The following CSMD1 variants were observed in gnomAD, a reference collection of about 807,000 sequenced individuals.
The protein encoded by CSMD1 is CUB and sushi domain-containing protein 1.
A neutral mutation model predicts 417.5 loss-of-function variants in CSMD1; 213 were observed. The ratio of observed to expected loss-of-function variants is 0.51; its 90% CI spans 0.46 to 0.57. The LOEUF (loss-of-function observed/expected upper bound fraction) is 0.57, where lower values mean the gene tolerates loss of function less well. CSMD1 is among the 20% of genes least tolerant of loss of function. The pLI is 0.00. For synonymous variants in CSMD1, 2,862 were observed against 1,736.8 expected (o/e 1.65, Z -16.11); for missense variants, 6,923 against 4,529.7 (o/e 1.53, Z -15.17).
chr8:3,518,926 C>G (rs1797390622), intron 10 of CSMD1, among the ~76,000 whole-genome samples: 2 of 152,188 alleles, frequency 1.3e-5, no homozygotes, highest in Non-Finnish European at 2.9e-5. Flanking sequence ...TGAATCTCCT[C>G]ATATTGTCCC....
At chr8:3,409,854 C>T (rs556033370) in intron 12 of CSMD1, among the ~76,000 whole-genome samples, 2 of 152,298 alleles carry the variant, frequency 1.3e-5, no homozygotes, top group South Asian at 2.1e-4. Context: ...TACACAGATA[C>T]GCTGACAACA....
chr8:4,645,009 A>G (rs1038061), intron 1 of CSMD1, among the ~76,000 whole-genome samples: 92,731 of 152,024 alleles, frequency 0.61, 28,641 homozygotes, highest in Admixed American at 0.71. Flanking sequence ...CTATAAATCT[A>G]TATTCTGGTT....
intron 50 of CSMD1, among the ~76,000 whole-genome samples, chr8:3,035,300 A>G (rs1316365512): frequency 6.6e-6 from 1 of 152,148 alleles, no homozygotes; most frequent in Non-Finnish European, 1.5e-5. Context: ...ATGTAATTGT[A>G]TATGTAATTC....
At chr8:4,898,441 G>C (rs1048797755) in intron 1 of CSMD1, among the ~76,000 whole-genome samples, 1 of 151,452 alleles carries the variant, frequency 6.6e-6, no homozygotes, top group African/African-American at 2.5e-5. Flanking sequence ...CAGAAGGACC[G>C]CATGGGTGTA....
rs185168689 is a variant in CSMD1 at position 3,042,301 on chromosome 8, C to T, written c.7660+10161G>A. On this transcript the variant is annotated intron_variant, in intron 50 of 69. Transcript: ENST00000635120. Reference sequence around the variant, plus strand: ...CTCGTGCATCTCCTTAGCTAAGGTACCAAACTGACCTTTTGGCCTGAATTA... The same window carrying T: ...CTCGTGCATCTCCTTAGCTAAGGTATCAAACTGACCTTTTGGCCTGAATTA... 4.6e-5 allele frequency among the ~76,000 whole-genome samples: 7 copies of T among 152,170 alleles called. No homozygotes were observed. The East Asian group carries it at 1.4e-3, about 29-fold the overall frequency.
chr8:4,769,755 T>G (rs185588861), intron 1 of CSMD1, among the ~76,000 whole-genome samples: 1 of 152,328 alleles, frequency 6.6e-6, no homozygotes, highest in East Asian at 1.9e-4. Flanking sequence ...CACAGCCTGC[T>G]GCCCCTCCCT....
At chr8:3,331,037 T>C (rs1585010464) in intron 23 of CSMD1, among the ~76,000 whole-genome samples, 1 of 151,690 alleles carries the variant, frequency 6.6e-6, no homozygotes, top group Non-Finnish European at 1.5e-5. Context: ...GATCACCAGG[T>C]CAGGATATCG....
chr8:4,313,005 G>C (rs79732691), intron 3 of CSMD1, among the ~76,000 whole-genome samples: 7,742 of 152,174 alleles, frequency 0.051, 478 homozygotes, highest in East Asian at 0.21. Context: ...AAGATGGGGA[G>C]GTAGAATTTA....
At position 3,738,611 on chromosome 8, in the gene CSMD1, C is replaced by G. The variant is rs147477892; in HGVS notation, c.931+15319G>C. 4.6e-3 allele frequency among the ~76,000 whole-genome samples: 693 copies of G among 152,302 alleles called. 23 individuals are homozygous for G. The East Asian group carries it at 0.076, about 17-fold the overall frequency. On this transcript the variant is annotated intron_variant, in intron 6 of 69. Transcript: ENST00000635120. ...GATGGCAAACATCCTCAGGTGGCAG[C>G]AGTCACCACTGAGGGGACCAAGAGA... is the stretch of plus-strand genomic sequence containing the variant.
At chr8:3,411,016 G>T (rs1391610824) in intron 12 of CSMD1, among the ~76,000 whole-genome samples, 1 of 152,170 alleles carries the variant, frequency 6.6e-6, no homozygotes, top group Admixed American at 6.5e-5. Context: ...GCCGGGCAGG[G>T]CAGTGAGGGA....
At chr8:4,028,894 G>T (rs1045602216) in intron 4 of CSMD1, among the ~76,000 whole-genome samples, 4 of 152,322 alleles carry the variant, frequency 2.6e-5, no homozygotes, top group African/African-American at 9.6e-5. Flanking sequence ...AAACCTAAGA[G>T]TTGAAGTATG....
At chr8:4,648,096 A>C (rs957164579) in intron 1 of CSMD1, among the ~76,000 whole-genome samples, 2 of 152,120 alleles carry the variant, frequency 1.3e-5, no homozygotes, top group Non-Finnish European at 2.9e-5. Flanking sequence ...TTACTTTTTA[A>C]TAATTGCCAT....
chr8:4,276,413 G>C (rs1314510493), intron 3 of CSMD1, among the ~76,000 whole-genome samples: 1 of 152,066 alleles, frequency 6.6e-6, no homozygotes, highest in African/African-American at 2.4e-5. Flanking sequence ...TCATAAGTGG[G>C]AGTTGAACAA....
chr8:4,878,716 G>A (rs1803203926), intron 1 of CSMD1, among the ~76,000 whole-genome samples: 1 of 151,920 alleles, frequency 6.6e-6, no homozygotes, highest in Non-Finnish European at 1.5e-5. Context: ...CAGTTGAAAT[G>A]GCACCCAGCA....
chr8:3,474,730 G>A (rs1661625203), intron 11 of CSMD1, among the ~76,000 whole-genome samples: 1 of 152,066 alleles, frequency 6.6e-6, no homozygotes, highest in African/African-American at 2.4e-5. Flanking sequence ...ATGATGTTAA[G>A]TGGGAACTTA....
At chr8:3,889,967 G>A (rs939556635) in intron 5 of CSMD1, among the ~76,000 whole-genome samples, 3 of 152,128 alleles carry the variant, frequency 2.0e-5, no homozygotes, top group Non-Finnish European at 4.4e-5. Context: ...AGGATTGCTT[G>A]AACCCAGGAG....
At chr8:4,346,775 G>T (rs1021186265) in intron 3 of CSMD1, among the ~76,000 whole-genome samples, 1 of 152,060 alleles carries the variant, frequency 6.6e-6, no homozygotes, top group Non-Finnish European at 1.5e-5. Flanking sequence ...ATTCAAAGGA[G>T]ACAAGTCAGT....
intron 5 of CSMD1, among the ~76,000 whole-genome samples, chr8:3,945,708 C>T (rs80082869): frequency 0.013 from 1,970 of 152,148 alleles, 39 homozygotes; most frequent in African/African-American, 0.045. Flanking sequence ...ACATTTAAAG[C>T]TCATTTCCTT....
chr8:3,987,424 T>C (rs1310278772), intron 5 of CSMD1, among the ~76,000 whole-genome samples: 1 of 152,186 alleles, frequency 6.6e-6, no homozygotes, highest in Non-Finnish European at 1.5e-5. Context: ...TCTGTCTCCG[T>C]TCCTGGTACA....
Sources: allele counts gnomAD v4.1 joint callset (sites outside exome capture counted in the v4.1 genomes callset), GRCh38; gene constraint gnomAD v4.1.1; transcripts MANE v1.5; gene names NCBI Gene and HGNC (gene_info 2026-07-23, HGNC 2026-07-21).